Variants in PINX1 observed in about 807,000 individuals in gnomAD.
PINX1 encodes the protein PIN2 (TERF1) interacting telomerase inhibitor 1, also known as PIN2/TERF1-interacting telomerase inhibitor 1.
A neutral mutation model predicts 25.4 loss-of-function variants in PINX1; 34 were observed. That is an observed-to-expected ratio of 1.34 (90% CI 1.02 to 1.78). The LOEUF (loss-of-function observed/expected upper bound fraction) is 1.78. Among genes scored for constraint, PINX1 ranks in the 40% most tolerant of loss-of-function variants. PINX1 has a pLI of 0.00. For synonymous variants in PINX1, 197 were observed against 147.7 expected (o/e 1.33, Z -2.42); for missense variants, 592 against 404.9 (o/e 1.46, Z -3.97).
intron 6 of PINX1, among the ~76,000 whole-genome samples, chr8:10,809,591 G>A (rs1802562570): frequency 6.6e-6 from 1 of 152,164 alleles, no homozygotes; most frequent in Non-Finnish European, 1.5e-5. Context: ...CTGCACTGTG[G>A]GTTCTCTAAG....
intron 2 of PINX1, chr8:10,834,389 C>G: frequency 2.6e-6 from 1 of 388,532 alleles, no homozygotes; most frequent in Non-Finnish European, 4.7e-6. Flanking sequence ...AGCAGAGGCT[C>G]TACTGGAGTC....
intron 4 of PINX1, 48 bp from the exon 5 acceptor site, chr8:10,826,292 T>G: frequency 9.9e-7 from 1 of 1,012,914 alleles, no homozygotes; most frequent in Non-Finnish European, 1.5e-6. Flanking sequence ...TAATCCAATC[T>G]CATTTATTCT....
chr8:10,836,748 C>T (rs1277433500), intron 1 of PINX1, among the ~76,000 whole-genome samples: 1 of 152,158 alleles, frequency 6.6e-6, no homozygotes, highest in Non-Finnish European at 1.5e-5. Context: ...AACTAAATTT[C>T]ATATGGAAGA....
intron 5 of PINX1, among the ~76,000 whole-genome samples, chr8:10,823,195 A>C (rs1020665459): frequency 9.8e-5 from 15 of 152,330 alleles, no homozygotes; most frequent in Non-Finnish European, 1.8e-4. Context: ...TGCGCTGTGA[A>C]TACCAATTCT....
At chr8:10,780,471 T>A (rs1801551084) in intron 6 of PINX1, among the ~76,000 whole-genome samples, 1 of 152,168 alleles carries the variant, frequency 6.6e-6, no homozygotes, top group South Asian at 2.1e-4. Context: ...GATCACGTGG[T>A]TTTGTCTTTC....
At chr8:10,774,769 T>C (rs1016215825) in intron 6 of PINX1, among the ~76,000 whole-genome samples, 1 of 152,344 alleles carries the variant, frequency 6.6e-6, no homozygotes, top group African/African-American at 2.4e-5. Context: ...TATTTTCACA[T>C]ACTCTTTCTT....
At chr8:10,773,896 C>G (rs922749013) in intron 6 of PINX1, among the ~76,000 whole-genome samples, 1 of 152,216 alleles carries the variant, frequency 6.6e-6, no homozygotes, top group African/African-American at 2.4e-5. Flanking sequence ...ACAAACTTTC[C>G]CGACACACTG....
Position 10,826,263 on chromosome 8 carries a change from A to C in PINX1, c.302-19T>G. ...GAGGAATCTTTAAAAAAGATGAAAA[A>C]AATACATTAAAGTCTTTCTAATCCA... On this transcript the variant is annotated intron_variant, in intron 4 of 6. Transcript: ENST00000314787. 1.5e-6 allele frequency: 2 copies of C among 1,347,408 alleles called. No individual in the cohort carries two copies. Among genetic ancestry groups the C allele is most frequent in the Non-Finnish European group, 2.1e-6 (2 of 957,534 alleles). The allele number at this position is 1,347,408 out of a possible 1,614,324, so 83.5% of individuals were successfully genotyped here. A position where few individuals can be genotyped will look rare whatever the true frequency, so the allele number is the denominator to read the frequency against.
At position 10,765,624 on chromosome 8, in the gene PINX1, G is replaced by A. The variant is rs377260866; in HGVS notation, c.764C>T (p.Ala255Val). 39 of 1,613,666 alleles carry A rather than the reference G, an allele frequency of 2.4e-5. No homozygotes were observed. Among genetic ancestry groups the A allele is most frequent in the Admixed American group, 1.5e-4 (9 of 59,996 alleles). ...GCCTCTGAGCTGCTCTTCTGCTGGC[G>A]CGCTCTTCTTCTTGGCCACTCGCTC... ...AQERVAKKKS[A>V]PAEEQLRGPC... The change falls in exon 7 of 7, where the codon GCG becomes GTG. Residue 255 changes from alanine to valine, a missense_variant. Transcript: ENST00000314787.
chr8:10,815,288 G>C (rs564079538), intron 6 of PINX1, among the ~76,000 whole-genome samples: 10 of 152,302 alleles, frequency 6.6e-5, no homozygotes, highest in Non-Finnish European at 1.3e-4. Flanking sequence ...AGGACAGAAA[G>C]CATGATTTAA....
intron 6 of PINX1, among the ~76,000 whole-genome samples, chr8:10,814,815 C>G (rs1797650407): frequency 6.6e-6 from 1 of 152,188 alleles, no homozygotes; most frequent in South Asian, 2.1e-4. Context: ...ACGTGCCAAG[C>G]ACTGGAGCCA....
intron 4 of PINX1, among the ~76,000 whole-genome samples, chr8:10,828,012 G>C (rs1798109972): frequency 6.6e-6 from 1 of 151,656 alleles, no homozygotes. Flanking sequence ...AGCGAAACAA[G>C]CACGTGTCCA....
At chr8:10,824,536 G>C (rs780311734) in intron 5 of PINX1, among the ~76,000 whole-genome samples, 5 of 152,164 alleles carry the variant, frequency 3.3e-5, no homozygotes, top group Non-Finnish European at 7.3e-5. Flanking sequence ...GACAGAAAAC[G>C]AAGGCACGAG....
intron 6 of PINX1, among the ~76,000 whole-genome samples, chr8:10,818,719 G>T (rs1797775760): frequency 6.6e-6 from 1 of 152,150 alleles, no homozygotes; most frequent in Non-Finnish European, 1.5e-5. Context: ...GGGACGTGGA[G>T]TTGATACAAA....
rs1183130777 is a variant in PINX1, at chr8:10,833,621, G to C, written c.130-637C>G. 178 of 43,036 alleles carry C rather than the reference G, an allele frequency of 4.1e-3. 12 individuals are homozygous for C. Among genetic ancestry groups the C allele is most frequent in the African/African-American group, 7.2e-4 (3 of 4,186 alleles). 2.7% of individuals were successfully genotyped at this position (43,036 alleles called of 1,614,324 possible). A position where few individuals can be genotyped will look rare whatever the true frequency, so the allele number is the denominator to read the frequency against. On this transcript the variant is annotated intron_variant, in intron 2 of 6. Coordinates refer to ENST00000314787, the MANE Select transcript of PINX1 (RefSeq NM_017884.6). ...AGGCTGGAGAAGAATGACAACTGGG[G>C]TGCGGGAGGCTGGAGAAGAATGACG...
At chr8:10,837,119 C>T (rs1335120193) in intron 1 of PINX1, among the ~76,000 whole-genome samples, 2 of 152,230 alleles carry the variant, frequency 1.3e-5, no homozygotes, top group Non-Finnish European at 2.9e-5. Context: ...AAGAGTGGCT[C>T]ATTGTGCCTG....
chr8:10,834,900 C>T (rs1563241422), intron 1 of PINX1, 125 bp from the exon 2 acceptor site: 4 of 641,026 alleles, frequency 6.2e-6, no homozygotes, highest in African/African-American at 1.8e-5. Flanking sequence ...CATTACAATA[C>T]AGAAATTAAT....
intron 6 of PINX1, among the ~76,000 whole-genome samples, chr8:10,806,194 G>A (rs1220108213): frequency 1.3e-5 from 2 of 152,104 alleles, no homozygotes; most frequent in East Asian, 1.9e-4. Context: ...CGGAGCACAG[G>A]AAGGGGCCAC....
chr8:10,801,355 C>G (rs1277007328), intron 6 of PINX1, among the ~76,000 whole-genome samples: 1 of 152,234 alleles, frequency 6.6e-6, no homozygotes, highest in Non-Finnish European at 1.5e-5. Context: ...GATGACTGCA[C>G]ATTTGCTTTA....
Sources: gnomAD v4.1 joint callset for allele counts (sites outside exome capture counted in the v4.1 genomes callset) on GRCh38, gnomAD v4.1.1 for gene constraint, MANE v1.5 for transcripts, NCBI Gene and HGNC (gene_info 2026-07-23, HGNC 2026-07-21) for gene names.